The following KCNK13 variants were observed in gnomAD, a reference collection of about 807,000 sequenced individuals.
KCNK13 encodes potassium two pore domain channel subfamily K member 13, also known as potassium channel subfamily K member 13.
In KCNK13, 12 loss-of-function variants were observed where a neutral mutation model predicts 23.4. The observed-to-expected ratio is 0.51, with a 90% confidence interval of 0.33 to 0.83. The LOEUF (loss-of-function observed/expected upper bound fraction) is 0.83, where lower values mean the gene tolerates loss of function less well. Among genes scored for constraint, KCNK13 ranks in the 40% least tolerant of loss-of-function variants. KCNK13 has a pLI of 0.02. For missense variants in KCNK13, 463 were observed against 556.3 expected (o/e 0.83, Z 1.69); for synonymous variants, 231 against 229.5 (o/e 1.01, Z -0.06).
At chr14:90,109,550 G>A (rs748519479) in intron 1 of KCNK13, among the ~76,000 whole-genome samples, 2 of 149,492 alleles carry the variant, frequency 1.3e-5, no homozygotes, top group African/African-American at 2.5e-5. Context: ...CTGGGACTAC[G>A]GGTGCCCACC....
At chr14:90,109,959 C>T (rs1324040204) in intron 1 of KCNK13, among the ~76,000 whole-genome samples, 1 of 152,158 alleles carries the variant, frequency 6.6e-6, no homozygotes, top group South Asian at 2.1e-4. Context: ...CCATCTGCCT[C>T]AGCCTCCCAA....
chr14:90,180,949 C>T (rs1383233341), intron 1 of KCNK13, among the ~76,000 whole-genome samples: 5 of 152,226 alleles, frequency 3.3e-5, no homozygotes, highest in South Asian at 2.1e-4. Context: ...CTCCACCTCC[C>T]GGGTTCAAGT....
chr14:90,132,745 G>C (rs1889890259), intron 1 of KCNK13, among the ~76,000 whole-genome samples: 1 of 152,060 alleles, frequency 6.6e-6, no homozygotes, highest in Non-Finnish European at 1.5e-5. Context: ...AGATAAGATG[G>C]TAAGTTTCAT....
rs539794451 is a variant in KCNK13, at chr14:90,094,139, C to T, written c.334+31600C>T. The stretch of plus-strand genomic sequence containing the variant: ...CTCATTCCCCTGTGTGTGCCTGCAC[C>T]TTGCACAAGGCTGGCATGCCATAGG... On this transcript the variant is annotated intron_variant, in intron 1 of 1. Coordinates refer to ENST00000282146, the MANE Select transcript of KCNK13 (RefSeq NM_022054.4). Among the ~76,000 whole-genome samples the T allele has an allele frequency of 2.0e-5, 3 of 152,224 alleles. No individual in the cohort carries two copies. The East Asian group carries it at 5.8e-4, about 29-fold the overall frequency.
At position 90,184,144 on chromosome 14, in the gene KCNK13, G is replaced by GA; in HGVS notation, c.373dup (p.Ile125AsnfsTer59). ...ATGACAACTCCGGCGACAGTAGGAG[G>GA]AAAAATCTTTCTGATCTTTTACGGC... On this transcript the variant is annotated frameshift_variant, in exon 2 of 2. Transcript: ENST00000282146. LOFTEE classifies it high-confidence loss of function. The surrounding 1 kb of genome is among the most constrained non-coding windows in gnomAD (Gnocchi z 5.6). The GA allele has an allele frequency of 1.2e-6, 2 of 1,614,030 alleles. No individual in the cohort carries two copies. The highest frequency in any genetic ancestry group is 1.7e-6 in the Non-Finnish European group (2 of 1,179,880).
Position 90,178,416 on chromosome 14 carries a change from G to A in KCNK13, c.335-5695G>A, listed in dbSNP as rs558625058. On this transcript the variant is annotated intron_variant, in intron 1 of 1. Coordinates refer to ENST00000282146, the MANE Select transcript of KCNK13 (RefSeq NM_022054.4). Reference sequence around the variant, plus strand: ...AAGTGATTCTCCTGCCTCAGCCTCCGGAGTAGCTGGGATTACAGGCATGTG... The same window carrying A: ...AAGTGATTCTCCTGCCTCAGCCTCCAGAGTAGCTGGGATTACAGGCATGTG... Among the ~76,000 whole-genome samples the A allele has an allele frequency of 6.6e-3, 1,002 of 151,680 alleles. 7 individuals are homozygous for A. The highest frequency in any genetic ancestry group is 0.023 in the African/African-American group (935 of 41,340).
intron 1 of KCNK13, among the ~76,000 whole-genome samples, chr14:90,078,791 A>G (rs1017319345): frequency 6.6e-6 from 1 of 152,166 alleles, no homozygotes. Flanking sequence ...CCTGGAGGAC[A>G]TGGGGCCTAG....
intron 1 of KCNK13, chr14:90,108,037 G>C (rs1889567984): frequency 3.1e-6 from 2 of 642,874 alleles, no homozygotes; most frequent in East Asian, 3.2e-5. Flanking sequence ...CTCAAGAGCT[G>C]GATGGCATTG....
chr14:90,166,133 G>A (rs1055987801), intron 1 of KCNK13, among the ~76,000 whole-genome samples: 5 of 152,176 alleles, frequency 3.3e-5, no homozygotes, highest in East Asian at 1.9e-4. Flanking sequence ...TAGTTCAGAA[G>A]TTACCTGGAA....
chr14:90,168,162 C>T (rs963741817), intron 1 of KCNK13, among the ~76,000 whole-genome samples: 2 of 152,034 alleles, frequency 1.3e-5, no homozygotes, highest in African/African-American at 4.8e-5. Flanking sequence ...TTGCTTGAAG[C>T]CAGGAAGTCG....
At chr14:90,172,637 G>A (rs202203371) in intron 1 of KCNK13, among the ~76,000 whole-genome samples, 2 of 104,318 alleles carry the variant, frequency 1.9e-5, no homozygotes, top group Non-Finnish European at 3.8e-5. Flanking sequence ...TATTGTTCTG[G>A]TGTTATATGA....
In KCNK13 at chr14:90,100,100, G is replaced by A. The variant is rs185108618; in HGVS notation, c.334+37561G>A. 4.6e-5 allele frequency among the ~76,000 whole-genome samples: 7 copies of A among 152,268 alleles called. No homozygotes were observed. The East Asian group carries it at 9.6e-4, about 21-fold the overall frequency. ...TGTATGTTCTGTGTTAGGAAGTACC[G>A]AGGGGCCAGAATAAAGTTTTTTGGA... is the stretch of plus-strand genomic sequence containing the variant. On this transcript the variant is annotated intron_variant, in intron 1 of 1. Transcript: ENST00000282146.
At chr14:90,151,479 T>G (rs1831949930) in intron 1 of KCNK13, among the ~76,000 whole-genome samples, 1 of 152,210 alleles carries the variant, frequency 6.6e-6, no homozygotes, top group Non-Finnish European at 1.5e-5. Context: ...TATTAAATTA[T>G]CTGTTTTCTT....
At chr14:90,164,232 G>T (rs1890279513) in intron 1 of KCNK13, among the ~76,000 whole-genome samples, 1 of 152,184 alleles carries the variant, frequency 6.6e-6, no homozygotes, top group Non-Finnish European at 1.5e-5. Context: ...ATGTCACAAT[G>T]CTTTTAAAGA....
At chr14:90,130,746 A>G (rs1596791151) in intron 1 of KCNK13, among the ~76,000 whole-genome samples, 1 of 152,216 alleles carries the variant, frequency 6.6e-6, no homozygotes, top group East Asian at 1.9e-4. Context: ...CCCGGGAAAC[A>G]GAGGTTGTGG....
At chr14:90,064,052 C>T (rs1305657871) in intron 1 of KCNK13, among the ~76,000 whole-genome samples, 1 of 152,170 alleles carries the variant, frequency 6.6e-6, no homozygotes, top group African/African-American at 2.4e-5. Flanking sequence ...CCCCATGGTT[C>T]TCCCCCTGAG....
intron 1 of KCNK13, among the ~76,000 whole-genome samples, chr14:90,078,492 G>A (rs908532351): frequency 3.7e-4 from 56 of 150,662 alleles, no homozygotes; most frequent in African/African-American, 1.3e-3. Context: ...AAGGAAGAAA[G>A]GAGAAAGGAA....
At chr14:90,115,602 T>C (rs1338273938) in intron 1 of KCNK13, among the ~76,000 whole-genome samples, 1 of 152,232 alleles carries the variant, frequency 6.6e-6, no homozygotes, top group Non-Finnish European at 1.5e-5. Context: ...ATATGGTCTC[T>C]GTTGCAACTG....
At chr14:90,169,263 A>G (rs953021916) in intron 1 of KCNK13, among the ~76,000 whole-genome samples, 11 of 152,180 alleles carry the variant, frequency 7.2e-5, no homozygotes, top group Non-Finnish European at 1.5e-4. Context: ...TTGGGCATAT[A>G]TCTTTGGTGT....
Sources: gnomAD v4.1 joint callset for allele counts (sites outside exome capture counted in the v4.1 genomes callset) on GRCh38, gnomAD v4.1.1 for gene constraint, Gnocchi (gnomAD v3.1) non-coding constraint, MANE v1.5 for transcripts, NCBI Gene and HGNC (gene_info 2026-07-23, HGNC 2026-07-21) for gene names.